FGFR2: variants seen among roughly 807,000 people sequenced by gnomAD.
The protein encoded by FGFR2 is BEK fibroblast growth factor receptor.
A neutral mutation model predicts 95.9 loss-of-function variants in FGFR2; 19 were observed. That is an observed-to-expected ratio of 0.20 (90% CI 0.14 to 0.29). The LOEUF (loss-of-function observed/expected upper bound fraction) is 0.29. Ranked by LOEUF, FGFR2 falls within the 10% of genes least tolerant of loss-of-function variation. The pLI is 1.00. For missense variants in FGFR2, 707 were observed against 1,056.9 expected (o/e 0.67, Z 4.59); for synonymous variants, 392 against 393.3 (o/e 1.00, Z 0.04).
intron 5 of FGFR2, among the ~76,000 whole-genome samples, chr10:121,545,691 G>A (rs1465206320): frequency 6.6e-6 from 1 of 152,052 alleles, no homozygotes; most frequent in African/African-American, 2.4e-5. Context: ...ACATACTTGT[G>A]GATTAAGCAT....
At chr10:121,539,063 C>G (rs1005482513) in intron 5 of FGFR2, among the ~76,000 whole-genome samples, 1 of 152,208 alleles carries the variant, frequency 6.6e-6, no homozygotes, top group African/African-American at 2.4e-5. Flanking sequence ...CACGGGCAGG[C>G]GAGCTACCAG....
intron 2 of FGFR2, chr10:121,566,029 T>C (rs1398938718): frequency 1.4e-5 from 6 of 430,574 alleles, no homozygotes; most frequent in Admixed American, 1.1e-4. Flanking sequence ...TGCACTGTAA[T>C]ACCTGCAAAA....
chr10:121,516,327 A>G (rs1221944454), intron 8 of FGFR2, among the ~76,000 whole-genome samples: 1 of 152,254 alleles, frequency 6.6e-6, no homozygotes, highest in African/African-American at 2.4e-5. Flanking sequence ...ATATTCACAG[A>G]GCAGATTCGC....
intron 9 of FGFR2, among the ~76,000 whole-genome samples, chr10:121,505,072 A>G (rs1392016428): frequency 6.6e-6 from 1 of 152,180 alleles, no homozygotes; most frequent in Non-Finnish European, 1.5e-5. Context: ...GTGCTTACAA[A>G]CGCCTTCAAT....
chr10:121,485,556 G>C lies in FGFR2; in HGVS notation c.2058-24C>G, dbSNP rs1270814142. 1 of 1,614,038 alleles carries C rather than the reference G, an allele frequency of 6.2e-7. No homozygotes were observed. The highest frequency in any genetic ancestry group is 1.1e-5 in the South Asian group (1 of 91,074). ...AGCTGCAACAAAAGGAGAAAGCACG[G>C]CATTACTAACCCATCCACGTTGCCA... On this transcript the variant is annotated intron_variant, in intron 15 of 17. Coordinates refer to ENST00000358487, the MANE Select transcript of FGFR2 (RefSeq NM_000141.5). This position sits in a 1 kb window ranked among gnomAD's most constrained non-coding sequence, Gnocchi z 4.2.
At chr10:121,500,702 A>G in intron 11 of FGFR2, 124 bp downstream of exon 11, 2 of 1,364,552 alleles carry the variant, frequency 1.5e-6, no homozygotes, top group Non-Finnish European at 2.1e-6. Context: ...AAACTTCTCA[A>G]CCCCTAGGTC....
chr10:121,486,155 A>G (rs1358650527), intron 15 of FGFR2, among the ~76,000 whole-genome samples: 2 of 152,186 alleles, frequency 1.3e-5, no homozygotes, highest in Middle Eastern at 3.2e-3. Context: ...CAAGTTCAGG[A>G]GGCTCAATCT....
chr10:121,532,261 A>G (rs185783744), intron 6 of FGFR2, among the ~76,000 whole-genome samples: 207 of 152,322 alleles, frequency 1.4e-3, no homozygotes, highest in African/African-American at 4.9e-3. Context: ...AGGTACAAGC[A>G]TGACAACCTA....
intron 13 of FGFR2, among the ~76,000 whole-genome samples, chr10:121,491,428 G>T (rs1846114639): frequency 6.6e-6 from 1 of 152,156 alleles, no homozygotes; most frequent in Non-Finnish European, 1.5e-5. Context: ...AGGTCAGTGG[G>T]TCACTAAGGG....
intron 13 of FGFR2, among the ~76,000 whole-genome samples, chr10:121,490,071 A>C (rs979766710): frequency 2.0e-5 from 3 of 152,064 alleles, no homozygotes; most frequent in African/African-American, 4.8e-5. Context: ...GAAATATTAA[A>C]TACTTGCTGC....
At chr10:121,480,289 C>T (rs1428818100) in intron 17 of FGFR2, 2 of 515,384 alleles carry the variant, frequency 3.9e-6, no homozygotes, top group Non-Finnish European at 7.1e-6. Flanking sequence ...CTTAGCTTTT[C>T]TCTTGGAATC....
chr10:121,486,251 T>C (rs1196349351), intron 15 of FGFR2, among the ~76,000 whole-genome samples: 2 of 152,186 alleles, frequency 1.3e-5, no homozygotes, highest in Admixed American at 1.3e-4. Context: ...TGGTGGTGTT[T>C]CACTCCGCAG....
chr10:121,488,191 T>G (rs1845674583), intron 13 of FGFR2, 78 bp from the exon 14 acceptor site: 1 of 1,578,714 alleles, frequency 6.3e-7, no homozygotes, highest in Admixed American at 1.7e-5. Context: ...GTTCATTTCT[T>G]AAAATGCAGA....
At chr10:121,525,419 T>A (rs1241065539) in intron 6 of FGFR2, among the ~76,000 whole-genome samples, 2 of 152,122 alleles carry the variant, frequency 1.3e-5, no homozygotes, top group African/African-American at 4.8e-5. Flanking sequence ...AAATACATTC[T>A]CTCCCAGCGT....
chr10:121,498,347 G>C (rs957105236), intron 12 of FGFR2, 148 bp downstream of exon 12: 1 of 694,686 alleles, frequency 1.4e-6, no homozygotes, highest in African/African-American at 1.8e-5. Flanking sequence ...TTCATGGCTA[G>C]GAACATCTTC....
rs184633471 is a variant in FGFR2 at position 121,562,319 on chromosome 10, C to T, written c.454+2183G>A. ...TTTTTGAGATGGAGTCTCACTCTGTCACCCAGGCAGGAGGGAGTGCAGTGG... is the reference window on the plus strand; with the variant it reads ...TTTTTGAGATGGAGTCTCACTCTGTTACCCAGGCAGGAGGGAGTGCAGTGG... On this transcript the variant is annotated intron_variant, in intron 4 of 17. Coordinates refer to ENST00000358487, the MANE Select transcript of FGFR2 (RefSeq NM_000141.5). Among the ~76,000 whole-genome samples the T allele has an allele frequency of 5.9e-3, 890 of 150,576 alleles. 21 individuals carry two copies. Among genetic ancestry groups the T allele is most frequent in the African/African-American group, 0.02 (828 of 40,988 alleles).
At chr10:121,572,905 C>T (rs1204659893) in intron 2 of FGFR2, among the ~76,000 whole-genome samples, 2 of 152,226 alleles carry the variant, frequency 1.3e-5, no homozygotes, top group Admixed American at 6.5e-5. Context: ...AAAAAATCCT[C>T]GCTGTGTGTG....
At chr10:121,533,958 A>T (rs2134519536) in intron 6 of FGFR2, among the ~76,000 whole-genome samples, 1 of 152,030 alleles carries the variant, frequency 6.6e-6, no homozygotes, top group South Asian at 2.1e-4. Flanking sequence ...CTCAAACTCC[A>T]CACCCCTCTC....
At chr10:121,573,038 T>A (rs745987157) in intron 2 of FGFR2, among the ~76,000 whole-genome samples, 1 of 152,216 alleles carries the variant, frequency 6.6e-6, no homozygotes, top group African/African-American at 2.4e-5. Flanking sequence ...CTTGAGACAG[T>A]TGAAACAGCA....
Sources: allele counts gnomAD v4.1 joint callset (sites outside exome capture counted in the v4.1 genomes callset), GRCh38; gene constraint gnomAD v4.1.1; non-coding constraint Gnocchi (gnomAD v3.1); transcripts MANE v1.5; gene names NCBI Gene and HGNC (gene_info 2026-07-23, HGNC 2026-07-21).